The following TP63 variants were observed in gnomAD, a reference collection of about 807,000 sequenced individuals.
TP63 encodes the protein tumor protein p63.
In TP63, 17 loss-of-function variants were observed where a neutral mutation model predicts 82.8. That is an observed-to-expected ratio of 0.21 (90% confidence interval 0.14 to 0.31). The LOEUF is 0.31. Ranked by LOEUF, TP63 falls within the 10% of genes least tolerant of loss-of-function variation. TP63 has a pLI of 1.00. For synonymous variants in TP63, 330 were observed against 321.7 expected (o/e 1.03, Z -0.28); for missense variants, 648 against 895.3 (o/e 0.72, Z 3.52).
chr3:189,737,668 A>C, intron 1 of TP63, 72 bp from the exon 2 acceptor site: 1 of 1,526,796 alleles, frequency 6.5e-7, no homozygotes, highest in South Asian at 1.1e-5. Context: ...ATGATAGAGT[A>C]TGCTTTAATT....
At chr3:189,631,709 T>C (rs938258839) in intron 1 of TP63, 132 bp downstream of exon 1, 6 of 1,580,326 alleles carry the variant, frequency 3.8e-6, no homozygotes, top group Non-Finnish European at 5.2e-6. Flanking sequence ...TTGGACTTTC[T>C]GTGGACTTAA....
At chr3:189,609,453 A>T in the TP63 span, among the ~76,000 whole-genome samples, 1 of 151,988 alleles carries the variant, frequency 6.6e-6, no homozygotes, top group Non-Finnish European at 1.5e-5. Context: ...ATATAAACAC[A>T]TGTCATGGGG....
intron 1 of TP63, among the ~76,000 whole-genome samples, chr3:189,637,553 A>G (rs1711500851): frequency 6.6e-6 from 1 of 152,186 alleles, no homozygotes; most frequent in African/African-American, 2.4e-5. Flanking sequence ...ATCACACAGC[A>G]AAATAGTAAC....
rs1052127513 is a variant in TP63, at chr3:189,824,209, T to TTTA, written c.579+15698_579+15700dup. Among the ~76,000 whole-genome samples the TTTA allele has an allele frequency of 5.3e-5, 8 of 151,776 alleles. No homozygotes were observed. In the East Asian group the frequency reaches 5.8e-4, roughly 11 times the overall value. On this transcript the variant is annotated intron_variant, in intron 4 of 13. Coordinates refer to ENST00000264731, the MANE Select transcript of TP63 (RefSeq NM_003722.5). ...TTGTAGGACTGTTTTATTTATTTAT[T>TTTA]TTATTATTATTATTATTTTTTTTTT...
intron 5 of TP63, among the ~76,000 whole-genome samples, chr3:189,866,468 G>A (rs1429814669): frequency 1.8e-4 from 28 of 152,104 alleles, no homozygotes; most frequent in Admixed American, 1.8e-3. Context: ...AACTGTAGAT[G>A]TGCATTCCAG....
intron 4 of TP63, among the ~76,000 whole-genome samples, chr3:189,813,174 T>C (rs748036273): frequency 1.6e-4 from 25 of 152,200 alleles, no homozygotes; most frequent in Non-Finnish European, 3.2e-4. Flanking sequence ...TTCTTTGTGT[T>C]AAGGAATAAC....
intron 3 of TP63, among the ~76,000 whole-genome samples, chr3:189,771,127 A>G (rs756434331): frequency 1.3e-4 from 19 of 151,220 alleles, no homozygotes; most frequent in Non-Finnish European, 2.4e-4. Flanking sequence ...AAAGGTACCC[A>G]TAATATTTTA....
chr3:189,712,584 C>A (rs1718673825), intron 1 of TP63, among the ~76,000 whole-genome samples: 1 of 152,070 alleles, frequency 6.6e-6, no homozygotes, highest in Admixed American at 6.6e-5. Flanking sequence ...GCACTAATCC[C>A]ATTCATGAGG....
chr3:189,607,951 T>C, the TP63 span, among the ~76,000 whole-genome samples: 1 of 152,110 alleles, frequency 6.6e-6, no homozygotes, highest in East Asian at 1.9e-4. Context: ...TATATCTAAC[T>C]CAAAGAAAGT....
chr3:189,887,315 A>G (rs1046164502), intron 11 of TP63, among the ~76,000 whole-genome samples: 5 of 152,168 alleles, frequency 3.3e-5, no homozygotes, highest in African/African-American at 1.2e-4. Flanking sequence ...TTTTCTATCC[A>G]TAAAATTGTC....
At chr3:189,730,994 A>G (rs1720125928) in intron 1 of TP63, among the ~76,000 whole-genome samples, 1 of 152,224 alleles carries the variant, frequency 6.6e-6, no homozygotes, top group Admixed American at 6.5e-5. Flanking sequence ...GGGTTAGACA[A>G]TTCATGACAA....
chr3:189,874,644 G>T (rs1213133346), intron 10 of TP63, among the ~76,000 whole-genome samples: 2 of 152,168 alleles, frequency 1.3e-5, no homozygotes, highest in Non-Finnish European at 2.9e-5. Context: ...TTCTGAAGGA[G>T]AATTAGAACT....
intron 3 of TP63, among the ~76,000 whole-genome samples, chr3:189,791,675 C>T (rs1725159015): frequency 6.6e-6 from 1 of 152,124 alleles, no homozygotes; most frequent in Admixed American, 6.5e-5. Flanking sequence ...GCCTGCATGA[C>T]TTTCATATCC....
intron 1 of TP63, among the ~76,000 whole-genome samples, chr3:189,683,841 C>A (rs1255716685): frequency 6.6e-6 from 1 of 152,212 alleles, no homozygotes; most frequent in Non-Finnish European, 1.5e-5. Context: ...AACAACAACT[C>A]AGCACCTGCT....
Position 189,631,408 on chromosome 3 carries a change from A to G in TP63, c.-108A>G, listed in dbSNP as rs1410149840. ...AAACTTCTATGTCTGATAGCATTTG[A>G]CCCTATTGCTTTTAGCCTCCCGGCT... On this transcript the variant is annotated 5_prime_UTR_variant, in exon 1 of 14. It removes the in-frame stop codon of an upstream open reading frame in the 5' UTR. Transcript: ENST00000264731. 2.2e-5 allele frequency: 35 copies of G among 1,581,814 alleles called. No homozygotes were observed. The highest frequency in any genetic ancestry group is 2.7e-5 in the Non-Finnish European group (31 of 1,165,426).
At chr3:189,865,086 A>C (rs187222159) in intron 5 of TP63, among the ~76,000 whole-genome samples, 11 of 152,294 alleles carry the variant, frequency 7.2e-5, no homozygotes, top group Admixed American at 7.2e-4. Flanking sequence ...CCCAGGCTAC[A>C]GTTTCTTCAG....
intron 4 of TP63, among the ~76,000 whole-genome samples, chr3:189,854,520 A>G (rs1351015355): frequency 6.6e-6 from 1 of 152,212 alleles, no homozygotes; most frequent in South Asian, 2.1e-4. Flanking sequence ...GATGTGAGCC[A>G]CTGCGCCCGG....
chr3:189,861,888 C>T (rs1363815415), intron 4 of TP63, among the ~76,000 whole-genome samples: 1 of 152,142 alleles, frequency 6.6e-6, no homozygotes, highest in African/African-American at 2.4e-5. Context: ...CCTTTCTGTA[C>T]ATTTATTTTC....
chr3:189,820,995 T>C (rs1409568395), intron 4 of TP63, among the ~76,000 whole-genome samples: 3 of 152,220 alleles, frequency 2.0e-5, no homozygotes, highest in African/African-American at 7.2e-5. Flanking sequence ...ATATACCCAC[T>C]ACTTTAGGTG....
Sources: allele counts gnomAD v4.1 joint callset (sites outside exome capture counted in the v4.1 genomes callset), GRCh38; gene constraint gnomAD v4.1.1; transcripts MANE v1.5; gene names NCBI Gene and HGNC (gene_info 2026-07-23, HGNC 2026-07-21).